The following CELF2 variants were observed in gnomAD, a reference collection of about 807,000 sequenced individuals.
CELF2 encodes CUGBP Elav-like family member 2.
A neutral mutation model predicts 62.6 loss-of-function variants in CELF2; 8 were observed. That is an observed-to-expected ratio of 0.13 (90% CI 0.07 to 0.23). The LOEUF is 0.23. CELF2 is among the 10% of genes least tolerant of loss of function. The pLI, the probability that CELF2 is intolerant of heterozygous loss-of-function variation, is 1.00. For missense variants in CELF2, 333 were observed against 671.0 expected, an observed-to-expected ratio of 0.50 and a Z score of 5.56; for synonymous variants, 258 against 250.0, an observed-to-expected ratio of 1.03 and a Z score of -0.30.
chr10:11,164,411 A>G (rs1304279831), intron 1 of CELF2, among the ~76,000 whole-genome samples: 1 of 152,210 alleles, frequency 6.6e-6, no homozygotes, highest in African/African-American at 2.4e-5. Flanking sequence ...TCTCTTCCAA[A>G]TGGGGATTTT....
At chr10:10,627,767 T>C in the CELF2 span, among the ~76,000 whole-genome samples, 1 of 152,204 alleles carries the variant, frequency 6.6e-6, no homozygotes, top group African/African-American at 2.4e-5. Context: ...TTCATTAAAC[T>C]TTCTACATAG....
chr10:11,250,735 AATGGAATTGAT>A (rs1228726707), intron 4 of CELF2, among the ~76,000 whole-genome samples: 1 of 152,210 alleles, frequency 6.6e-6, no homozygotes, highest in Non-Finnish European at 1.5e-5. Flanking sequence ...GCAGTTGTAA[AATGGAATTGAT>A]GGTAACTGTC....
intron 1 of CELF2, among the ~76,000 whole-genome samples, chr10:10,829,296 A>G (rs6602456): frequency 0.7 from 106,757 of 152,148 alleles, 37,647 homozygotes; most frequent in East Asian, 0.78. Flanking sequence ...AATTATTCAT[A>G]CAGTAAAAAC....
At chr10:11,202,947 CTCTCTGTGTGTGTG>C (rs1188085676) in intron 2 of CELF2, among the ~76,000 whole-genome samples, 178 of 52,564 alleles carry the variant, frequency 3.4e-3, no homozygotes, top group African/African-American at 0.013. Flanking sequence ...CTCTCTCTCT[CTCTCTGTGTGTGTG>C]TGTGTGTGTG....
chr10:10,759,840 T>C, the CELF2 span, among the ~76,000 whole-genome samples: 4 of 152,126 alleles, frequency 2.6e-5, no homozygotes, highest in Non-Finnish European at 5.9e-5. Flanking sequence ...AGACAAATTA[T>C]ATTCTTGAAA....
chr10:10,547,112 A>G, the CELF2 span, among the ~76,000 whole-genome samples: 1 of 152,178 alleles, frequency 6.6e-6, no homozygotes, highest in African/African-American at 2.4e-5. Context: ...GTCTTAAAAA[A>G]ATTGATATTC....
chr10:11,047,319 G>T (rs2063041338), intron 1 of CELF2, among the ~76,000 whole-genome samples: 1 of 152,258 alleles, frequency 6.6e-6, no homozygotes, highest in South Asian at 2.1e-4. Context: ...AGAGTCCCTG[G>T]AGGACACTAG....
At chr10:10,497,724 G>C in the CELF2 span, among the ~76,000 whole-genome samples, 1 of 152,170 alleles carries the variant, frequency 6.6e-6, no homozygotes, top group Non-Finnish European at 1.5e-5. Context: ...CAAGAGCAAG[G>C]AGGCTGGTGT....
chr10:10,510,680 G>A, the CELF2 span, among the ~76,000 whole-genome samples: 1 of 152,192 alleles, frequency 6.6e-6, no homozygotes, highest in African/African-American at 2.4e-5. Context: ...TAGCTGTAGT[G>A]AAAACCAGCA....
At chr10:10,980,942 G>A (rs765869128) in intron 2 of CELF2, among the ~76,000 whole-genome samples, 19 of 152,034 alleles carry the variant, frequency 1.2e-4, no homozygotes, top group South Asian at 8.3e-4. Context: ...TTTTGATAGC[G>A]CTACTCATTA....
chr10:11,184,703 T>A (rs554476020), intron 2 of CELF2, among the ~76,000 whole-genome samples: 1 of 152,366 alleles, frequency 6.6e-6, no homozygotes, highest in African/African-American at 2.4e-5. Context: ...AATCATTTGT[T>A]TCTAGCATAT....
rs940282017 is a variant in CELF2, at chr10:11,224,316, T to A, written c.354+6809T>A. On this transcript the variant is annotated intron_variant, in intron 3 of 12. Coordinates refer to ENST00000633077, the MANE Select transcript of CELF2 (RefSeq NM_001326342.2). This position sits in a 1 kb window ranked among gnomAD's most constrained non-coding sequence, Gnocchi z 4.5. Reference sequence around the variant, plus strand: ...GCCTGATCAGATTTGCAAAAGTGCCTTGTGTCATTGCTTGAGGGATACTGG... The same window carrying A: ...GCCTGATCAGATTTGCAAAAGTGCCATGTGTCATTGCTTGAGGGATACTGG... 6.6e-6 allele frequency among the ~76,000 whole-genome samples: 1 copy of A among 152,302 alleles called. No homozygotes were observed. The highest frequency in any genetic ancestry group is 2.1e-4 in the South Asian group (1 of 4,824).
chr10:11,267,481 G>A lies in CELF2; in HGVS notation c.618+804G>A, dbSNP rs2138422741. Among the ~76,000 whole-genome samples the A allele has an allele frequency of 6.6e-6, 1 of 152,306 alleles. No individual in the cohort carries two copies. The highest frequency in any genetic ancestry group is 1.9e-4 in the East Asian group (1 of 5,188). ...TCTGTATTGTCTGATAGAATCATTTGGGAGTGCATGTTCTGCTGTATTATG... is the reference window on the plus strand; with the variant it reads ...TCTGTATTGTCTGATAGAATCATTTAGGAGTGCATGTTCTGCTGTATTATG... On this transcript the variant is annotated intron_variant, in intron 6 of 12. Coordinates refer to ENST00000633077, the MANE Select transcript of CELF2 (RefSeq NM_001326342.2). This position sits in a 1 kb window ranked among gnomAD's most constrained non-coding sequence, Gnocchi z 4.4.
At chr10:10,696,702 G>A in the CELF2 span, among the ~76,000 whole-genome samples, 34,658 of 151,842 alleles carry the variant, frequency 0.23, 4,304 homozygotes, top group South Asian at 0.43. Flanking sequence ...ATATAGTCTC[G>A]TGGTGCGCCG....
At chr10:11,087,999 C>T (rs572572896) in intron 1 of CELF2, among the ~76,000 whole-genome samples, 2 of 152,336 alleles carry the variant, frequency 1.3e-5, no homozygotes, top group African/African-American at 4.8e-5. Context: ...GTGACAGAAT[C>T]ACTGAATGCC....
the CELF2 span, among the ~76,000 whole-genome samples, chr10:10,638,165 C>A: frequency 6.6e-6 from 1 of 152,162 alleles, no homozygotes; most frequent in Admixed American, 6.5e-5. Flanking sequence ...TGTGCATACA[C>A]TTTAATGCCC....
At chr10:10,904,111 T>C (rs141225115) in intron 1 of CELF2, among the ~76,000 whole-genome samples, 18 of 152,382 alleles carry the variant, frequency 1.2e-4, no homozygotes, top group African/African-American at 4.1e-4. Context: ...ACCCATGGAA[T>C]ATTTTATTCA....
rs1565231888 is a variant in CELF2, at chr10:11,197,040, A to AGAAGGAAG, written c.272-20382_272-20381insGGAAGGAA. Reference sequence around the variant, plus strand: ...AGAAAGAAAGAAAAGAAAGAAAGAAAGAAAGAAAGAAAGAAAGAAAAGAAA... The same window carrying AGAAGGAAG: ...AGAAAGAAAGAAAAGAAAGAAAGAAAGAAGGAAGGAAAGAAAGAAAGAAAGAAAAGAAA... On this transcript the variant is annotated intron_variant, in intron 2 of 12. Transcript: ENST00000633077. Among the ~76,000 whole-genome samples the AGAAGGAAG allele has an allele frequency of 2.5e-4, 7 of 28,090 alleles. 1 individual carries two copies. The highest frequency in any genetic ancestry group is 5.9e-4 in the Non-Finnish European group (7 of 11,918). The allele number at this position is 28,090 out of a possible 152,430, so 18.4% of individuals were successfully genotyped here.
intron 5 of CELF2, among the ~76,000 whole-genome samples, chr10:11,262,182 A>G (rs77467331): frequency 0.072 from 10,905 of 152,238 alleles, 539 homozygotes; most frequent in Non-Finnish European, 0.11. Flanking sequence ...CAATATTTTC[A>G]GGGATGTTGG....
Sources: gnomAD v4.1 joint callset for allele counts (sites outside exome capture counted in the v4.1 genomes callset) on GRCh38, gnomAD v4.1.1 for gene constraint, Gnocchi (gnomAD v3.1) non-coding constraint, MANE v1.5 for transcripts, NCBI Gene and HGNC (gene_info 2026-07-23, HGNC 2026-07-21) for gene names.